The following DMD variants were observed in gnomAD, a reference collection of about 807,000 sequenced individuals.
DMD encodes mutant dystrophin.
In DMD, 63 loss-of-function variants were observed where a neutral mutation model predicts 330.1. The ratio of observed to expected loss-of-function variants is 0.19; its 90% CI spans 0.16 to 0.24. The LOEUF is 0.24. Among genes scored for constraint, DMD ranks in the 10% least tolerant of loss-of-function variants. The pLI is 1.00. For missense variants in DMD, 3,344 were observed against 2,684.1 expected, an observed-to-expected ratio of 1.25 and a Z score of -5.43; for synonymous variants, 1,223 against 959.8, an observed-to-expected ratio of 1.27 and a Z score of -5.07.
Position 32,463,459 on chromosome X carries a change from A to C in DMD, c.3412T>G (p.Trp1138Gly). The part of the protein sequence containing the change: ...ETELKELNTQ[W>G]DHMCQQVYAR... Reference sequence around the variant, plus strand: ...TATACCTGTTGGCACATGTGATCCCACTGAGTGTTAAGTTCTTTGAGTTCT... The same window carrying C: ...TATACCTGTTGGCACATGTGATCCCCCTGAGTGTTAAGTTCTTTGAGTTCT... Residue 1138 changes from tryptophan to glycine, a missense_variant, in exon 25 of 79, where the codon TGG (tryptophan) becomes GGG (glycine). Trp to Gly is a radical substitution (Grantham distance 184, BLOSUM62 -2). Coordinates refer to ENST00000357033, the MANE Select transcript of DMD (RefSeq NM_004006.3). 8.3e-7 allele frequency: 1 copy of C among 1,208,290 alleles called. No homozygotes were observed. Among genetic ancestry groups the C allele is most frequent in the Non-Finnish European group, 1.1e-6 (1 of 893,866 alleles).
At chrX:31,749,894 G>C (rs1196985532) in intron 51 of DMD, among the ~76,000 whole-genome samples, 1 of 105,892 alleles carries the variant, frequency 9.4e-6, no homozygotes, top group Non-Finnish European at 1.9e-5. Context: ...CTGATGGCCA[G>C]TGATGGTGAG....
chrX:31,803,511 C>T, intron 50 of DMD, among the ~76,000 whole-genome samples: 1 of 111,714 alleles, frequency 9.0e-6, no homozygotes, highest in Non-Finnish European at 1.9e-5. Context: ...TAGAATACTG[C>T]TAATACCTTG....
In DMD at chrX:31,209,576, T is replaced by C; in HGVS notation, c.9485A>G (p.Glu3162Gly). 1 of 1,211,568 alleles carries C rather than the reference T, an allele frequency of 8.3e-7. No homozygotes were observed. The highest frequency in any genetic ancestry group is 1.1e-6 in the Non-Finnish European group (1 of 895,397). ...GTTGACCAAATTGTTGTGCTCTTGCTCCAGGCGGTCATAAATAGTGGTCAA... is the reference window on the plus strand; with the variant it reads ...GTTGACCAAATTGTTGTGCTCTTGCCCCAGGCGGTCATAAATAGTGGTCAA... ...NCLTTIYDRL[E>G]QEHNNLVNVP... Residue 3162 changes from glutamate to glycine, a missense_variant, in exon 65 of 79, where the codon GAG (glutamate) becomes GGG (glycine). Transcript: ENST00000357033.
chrX:31,145,708 G>C (rs7065556), intron 76 of DMD, among the ~76,000 whole-genome samples: 7,800 of 103,645 alleles, frequency 0.075, 803 homozygotes, highest in African/African-American at 0.25. Flanking sequence ...TGTCGCCCAG[G>C]CTGGAGTGCA....
At chrX:32,262,787 C>T (rs1002767049) in intron 43 of DMD, among the ~76,000 whole-genome samples, 4 of 111,577 alleles carry the variant, frequency 3.6e-5, no homozygotes, top group East Asian at 2.8e-4. Context: ...TGATATTGCC[C>T]GGAAGCTGGT....
chrX:32,604,906 C>T (rs934760535), intron 12 of DMD, among the ~76,000 whole-genome samples: 1 of 109,868 alleles, frequency 9.1e-6, no homozygotes, highest in Admixed American at 9.7e-5. Flanking sequence ...TCATAGATGA[C>T]ACAAACAAAT....
chrX:31,372,097 A>G (rs113816745), intron 60 of DMD, among the ~76,000 whole-genome samples: 56 of 111,516 alleles, frequency 5.0e-4, no homozygotes, highest in Admixed American at 3.1e-3. Context: ...TGGTGGTGAT[A>G]ATGACGTTGT....
intron 42 of DMD, among the ~76,000 whole-genome samples, chrX:32,304,511 A>G (rs2097533976): frequency 9.0e-6 from 1 of 111,247 alleles, no homozygotes; most frequent in East Asian, 2.8e-4. Flanking sequence ...AAGCACATAT[A>G]AATATGAGCT....
At chrX:33,331,701 C>T (rs1024325150) in intron 1 of DMD, among the ~76,000 whole-genome samples, 2 of 111,619 alleles carry the variant, frequency 1.8e-5, no homozygotes, top group African/African-American at 6.5e-5. Flanking sequence ...GTACCACCTA[C>T]GTTTCCAGTT....
chrX:32,391,298 G>A (rs1294228945), intron 30 of DMD, among the ~76,000 whole-genome samples: 1 of 111,102 alleles, frequency 9.0e-6, no homozygotes, highest in East Asian at 2.8e-4. Context: ...TAGTGTAAGT[G>A]AATTTACACC....
At chrX:32,361,831 A>G (rs758713354) in intron 37 of DMD, among the ~76,000 whole-genome samples, 75 of 111,092 alleles carry the variant, frequency 6.8e-4, no homozygotes, top group African/African-American at 2.4e-3. Context: ...TGTTTTTTTC[A>G]TTTCAGATTA....
intron 9 of DMD, among the ~76,000 whole-genome samples, chrX:32,693,893 G>A (rs2063462814): frequency 8.9e-6 from 1 of 111,794 alleles, no homozygotes; most frequent in African/African-American, 3.3e-5. Context: ...ACTAGAGAGA[G>A]CATGTAACTT....
rs753646299 is a variant in DMD at position 31,562,557 on chromosome X, T to G, written c.8218-55104A>C. Among the ~76,000 whole-genome samples the G allele has an allele frequency of 2.7e-5, 3 of 112,494 alleles. No homozygotes were observed. The East Asian group carries it at 8.3e-4, about 31-fold the overall frequency. On this transcript the variant is annotated intron_variant, in intron 55 of 78. Coordinates refer to ENST00000357033, the MANE Select transcript of DMD (RefSeq NM_004006.3). ...ACTACTATGAGGAAGCATATTATCA[T>G]AGTTTTATTTTTCCAGCTATCTGGA...
intron 9 of DMD, among the ~76,000 whole-genome samples, chrX:32,650,462 G>A (rs774200765): frequency 9.0e-6 from 1 of 111,327 alleles, no homozygotes; most frequent in Non-Finnish European, 1.9e-5. Context: ...CCAAGATAAA[G>A]GATTACAGAG....
chrX:32,043,797 CATT>C (rs770172012), intron 44 of DMD, among the ~76,000 whole-genome samples: 1 of 112,063 alleles, frequency 8.9e-6, no homozygotes, highest in East Asian at 2.8e-4. Context: ...GTATTTTAAT[CATT>C]ATAATCAGAC....
At chrX:31,987,841 C>T (rs763672767) in intron 44 of DMD, among the ~76,000 whole-genome samples, 6 of 111,840 alleles carry the variant, frequency 5.4e-5, no homozygotes, top group Non-Finnish European at 1.1e-4. Flanking sequence ...CTACTGGGGA[C>T]AGAGACAAAG....
At position 32,027,164 on chromosome X, in the gene DMD, G is replaced by GCGCACACA. The variant is rs1557075784; in HGVS notation, c.6439-58651_6439-58650insTGTGTGCG. ...TTATGACACACACACACACGCACGT[G>GCGCACACA]CACACACACACACACACACAGAGAG... On this transcript the variant is annotated intron_variant, in intron 44 of 78. Coordinates refer to ENST00000357033, the MANE Select transcript of DMD (RefSeq NM_004006.3). 5.0e-3 allele frequency among the ~76,000 whole-genome samples: 450 copies of GCGCACACA among 89,494 alleles called. 1 individual carries two copies. The highest frequency in any genetic ancestry group is 7.8e-3 in the Non-Finnish European group (366 of 46,854). The allele number at this position is 89,494 out of a possible 115,157, so 77.7% of individuals were successfully genotyped here.
chrX:31,227,061 T>C (rs2046678399), intron 63 of DMD, among the ~76,000 whole-genome samples: 1 of 111,302 alleles, frequency 9.0e-6, no homozygotes, highest in Non-Finnish European at 1.9e-5. Context: ...TAATCCTCCT[T>C]CTCCACTGCC....
intron 37 of DMD, among the ~76,000 whole-genome samples, chrX:32,360,441 A>C (rs2097827589): frequency 8.9e-6 from 1 of 111,760 alleles, no homozygotes; most frequent in East Asian, 2.8e-4. Flanking sequence ...ATTTAGAGAA[A>C]AACAAATACT....
Sources: gnomAD v4.1 joint callset for allele counts (sites outside exome capture counted in the v4.1 genomes callset) on GRCh38, gnomAD v4.1.1 for gene constraint, MANE v1.5 for transcripts, NCBI Gene and HGNC (gene_info 2026-07-23, HGNC 2026-07-21) for gene names.